Variants in PDCD6 observed in about 807,000 individuals in gnomAD.
PDCD6 encodes the protein programmed cell death protein 6.
PDCD6 carries 12 observed loss-of-function variants against 28.3 expected under a neutral mutation model. The observed-to-expected ratio is 0.42, with a 90% confidence interval of 0.27 to 0.69. PDCD6 has a LOEUF of 0.69. PDCD6 is among the 30% of genes least tolerant of loss of function. The pLI, the probability that PDCD6 is intolerant of heterozygous loss-of-function variation, is 0.22. For synonymous variants in PDCD6, 92 were observed against 108.0 expected, an observed-to-expected ratio of 0.85 and a Z score of 0.92; for missense variants, 226 against 269.9, an observed-to-expected ratio of 0.84 and a Z score of 1.14.
At position 275,466 on chromosome 5, in the gene PDCD6, G is replaced by C. The variant is rs1046657397; in HGVS notation, c.163+2694G>C. On this transcript the variant is annotated intron_variant, in intron 2 of 5. Coordinates refer to ENST00000264933, the MANE Select transcript of PDCD6 (RefSeq NM_013232.4). ...TCTGTTTTGTTTGCATCTTATAAAC[G>C]TTTACCTGATGACATTTTCCTCTTC... 3.7e-4 allele frequency among the ~76,000 whole-genome samples: 57 copies of C among 152,352 alleles called. 1 individual carries two copies. The highest frequency in any genetic ancestry group is 1.3e-3 in the African/African-American group (55 of 41,578).
chr5:279,744 A>T (rs1738441580), intron 2 of PDCD6, among the ~76,000 whole-genome samples: 1 of 138,392 alleles, frequency 7.2e-6, no homozygotes, highest in Admixed American at 7.7e-5. Flanking sequence ...AATATAAATG[A>T]TTCTAATAGG....
intron 4 of PDCD6, chr5:310,495 A>C (rs2126779957): frequency 6.6e-6 from 1 of 152,522 alleles, no homozygotes; most frequent in Non-Finnish European, 1.5e-5. Context: ...GTCAGTAAGG[A>C]TATGCCACAG....
chr5:286,738 G>C (rs1300837144), intron 2 of PDCD6, among the ~76,000 whole-genome samples: 3 of 149,882 alleles, frequency 2.0e-5, no homozygotes, highest in Admixed American at 6.6e-5. Flanking sequence ...GGCCGTGCAG[G>C]TGGAGACCTG....
intron 2 of PDCD6, 148 bp downstream of exon 2, chr5:272,920 C>T: frequency 7.3e-7 from 1 of 1,368,866 alleles, no homozygotes; most frequent in East Asian, 2.5e-5. Flanking sequence ...GGAGATGCTT[C>T]TGGTTTATTT....
At chr5:312,758 C>T (rs530323005) in intron 5 of PDCD6, among the ~76,000 whole-genome samples, 3 of 151,796 alleles carry the variant, frequency 2.0e-5, no homozygotes, top group East Asian at 1.9e-4. Flanking sequence ...TTCAGTGAGC[C>T]GAGATCACAC....
chr5:291,058 T>C (rs1382731532), intron 2 of PDCD6, among the ~76,000 whole-genome samples: 12 of 152,186 alleles, frequency 7.9e-5, no homozygotes, highest in Non-Finnish European at 1.3e-4. Context: ...GAAACATAAC[T>C]GTGGATGCTC....
intron 2 of PDCD6, chr5:288,789 A>G: frequency 9.8e-7 from 1 of 1,023,942 alleles, no homozygotes; most frequent in Non-Finnish European, 1.4e-6. Context: ...CGGCGTTAAA[A>G]CCAGAACTGT....
At chr5:295,154 GT>G (rs1739529551) in intron 2 of PDCD6, among the ~76,000 whole-genome samples, 1 of 152,094 alleles carries the variant, frequency 6.6e-6, no homozygotes, top group African/African-American at 2.4e-5. Context: ...GCTGCCACAA[GT>G]CAAAGACAGA....
intron 2 of PDCD6, among the ~76,000 whole-genome samples, chr5:297,151 C>T (rs553970777): frequency 6.6e-5 from 10 of 152,226 alleles, no homozygotes; most frequent in South Asian, 2.1e-4. Flanking sequence ...CTTCTCCCCA[C>T]GCATCCCAGG....
intron 2 of PDCD6, among the ~76,000 whole-genome samples, chr5:301,974 TGTGTGTGTATG>T (rs1740086988): frequency 6.7e-6 from 1 of 148,766 alleles, no homozygotes. Flanking sequence ...CGAGTGCTGC[TGTGTGTGTATG>T]CCTCGGGTTC....
Position 307,176 on chromosome 5 carries a change from C to T in PDCD6, c.367+416C>T, listed in dbSNP as rs185105397. ...TGTCAGTCACCAGGTCCAAACCGTGCGCCTCAGAAGGGGCGTTAGGCAGAA... is the reference window on the plus strand; with the variant it reads ...TGTCAGTCACCAGGTCCAAACCGTGTGCCTCAGAAGGGGCGTTAGGCAGAA... On this transcript the variant is annotated intron_variant, in intron 4 of 5. Coordinates refer to ENST00000264933, the MANE Select transcript of PDCD6 (RefSeq NM_013232.4). The surrounding 1 kb of genome is among the most constrained non-coding windows in gnomAD (Gnocchi z 6.1). Among the ~76,000 whole-genome samples the T allele has an allele frequency of 1.6e-3, 243 of 151,824 alleles. No individual in the cohort carries two copies. Among genetic ancestry groups the T allele is most frequent in the Non-Finnish European group, 3.0e-3 (202 of 68,002 alleles).
At chr5:274,723 G>T (rs1335277036) in intron 2 of PDCD6, among the ~76,000 whole-genome samples, 1 of 152,162 alleles carries the variant, frequency 6.6e-6, no homozygotes, top group Non-Finnish European at 1.5e-5. Flanking sequence ...TTATTGTTTG[G>T]GGGTGGGGGA....
intron 2 of PDCD6, among the ~76,000 whole-genome samples, chr5:275,038 C>A (rs768537365): frequency 5.1e-4 from 63 of 124,370 alleles, no homozygotes; most frequent in South Asian, 2.7e-4. Flanking sequence ...TAGGCGCCCC[C>A]CTTTACCTTG....
Position 271,757 on chromosome 5 carries a change from GGCCCTGGGCCT to G in PDCD6, c.40_50del (p.Pro14CysfsTer20). On this transcript the variant is annotated frameshift_variant, in exon 1 of 6. Transcript: ENST00000264933. Reference sequence around the variant, plus strand: ...CTCTTACCGCCCCGGCCCTGGGGCCGGCCCTGGGCCTGCTGCAGGCGCGGCGCTGCCGGACC... The same window carrying G: ...CTCTTACCGCCCCGGCCCTGGGGCCGGCTGCAGGCGCGGCGCTGCCGGACC... 6.6e-7 allele frequency: 1 copy of G among 1,507,352 alleles called. No homozygotes were observed. The highest frequency in any genetic ancestry group is 8.8e-7 in the Non-Finnish European group (1 of 1,134,964). The allele number at this position is 1,507,352 out of a possible 1,614,324, so 93.4% of individuals were successfully genotyped here.
intron 2 of PDCD6, among the ~76,000 whole-genome samples, chr5:281,707 G>A (rs894116461): frequency 3.3e-5 from 5 of 152,102 alleles, no homozygotes; most frequent in South Asian, 2.1e-4. Flanking sequence ...CTGAAGACTC[G>A]GGGAGGGGCT....
Position 305,100 on chromosome 5 carries a change from C to A in PDCD6, c.208+879C>A, listed in dbSNP as rs1488581197. 6.6e-6 allele frequency: 1 copy of A among 152,582 alleles called. No homozygotes were observed. The allele number at this position is 152,582 out of a possible 1,614,324, so 9.5% of individuals were successfully genotyped here. ...TGGGAGCTGCAGCTCCAGGGGCAGG[C>A]AGGCCTGGGAGGCAGGTGTTCAGGA... On this transcript the variant is annotated intron_variant, in intron 3 of 5. Coordinates refer to ENST00000264933, the MANE Select transcript of PDCD6 (RefSeq NM_013232.4). This position sits in a 1 kb window ranked among gnomAD's most constrained non-coding sequence, Gnocchi z 4.0.
At chr5:296,118 A>C (rs926940084) in intron 2 of PDCD6, among the ~76,000 whole-genome samples, 12 of 152,192 alleles carry the variant, frequency 7.9e-5, no homozygotes, top group African/African-American at 2.9e-4. Flanking sequence ...CAAATAAGAC[A>C]AATGTCACTT....
At chr5:308,564 T>G (rs565446989) in intron 4 of PDCD6, 66 of 152,378 alleles carry the variant, frequency 4.3e-4, no homozygotes, top group African/African-American at 1.5e-3. Flanking sequence ...TCCCACGTCT[T>G]CCTTGGAAAG....
chr5:289,159 A>G, intron 2 of PDCD6: 1 of 1,036,420 alleles, frequency 9.6e-7, no homozygotes, highest in Non-Finnish European at 1.4e-6. Flanking sequence ...AAAGACTCTA[A>G]AAATAAGCAA....
Sources: allele counts gnomAD v4.1 joint callset (sites outside exome capture counted in the v4.1 genomes callset), GRCh38; gene constraint gnomAD v4.1.1; non-coding constraint Gnocchi (gnomAD v3.1); transcripts MANE v1.5; gene names NCBI Gene and HGNC (gene_info 2026-07-23, HGNC 2026-07-21).